NBPF9: variants seen among roughly 807,000 people sequenced by gnomAD.
NBPF9 encodes the protein NBPF member 9.
Under a neutral mutation model 97.8 loss-of-function variants are expected in NBPF9, and 91 were observed. That is an observed-to-expected ratio of 0.93 (90% CI 0.79 to 1.11). The LOEUF (loss-of-function observed/expected upper bound fraction) is 1.11. Among genes scored for constraint, NBPF9 ranks in the 50% least tolerant of loss-of-function variants. The pLI is 0.00. For synonymous variants in NBPF9, 334 were observed against 359.5 expected, an observed-to-expected ratio of 0.93 and a Z score of 0.80; for missense variants, 992 against 939.5, an observed-to-expected ratio of 1.06 and a Z score of -0.73.
Position 149,059,977 on chromosome 1 carries a change from C to T in NBPF9, c.2477-169G>A, listed in dbSNP as rs1296614392. 7 of 412,580 alleles carry T rather than the reference C, an allele frequency of 1.7e-5. 1 individual carries two copies. The highest frequency in any genetic ancestry group is 1.1e-4 in the African/African-American group (4 of 36,876). The allele number at this position is 412,580 out of a possible 1,614,324, so 25.6% of individuals were successfully genotyped here. The stretch of plus-strand genomic sequence containing the variant: ...AAGGCTGGTTATGATAGAAATTCCT[C>T]AGTTTTTCTCCCAGAAACTGTGGGT... On this transcript the variant is annotated intron_variant, in intron 24 of 29. Transcript: ENST00000584027.
At chr1:149,069,748 C>G in intron 16 of NBPF9, 103 bp from the exon 17 acceptor site, 1 of 791,344 alleles carries the variant, frequency 1.3e-6, no homozygotes, top group East Asian at 2.5e-5. Flanking sequence ...ATTCTCAGTG[C>G]AAGAATAAGG....
intron 5 of NBPF9, among the ~76,000 whole-genome samples, chr1:149,087,122 A>C (rs1559540988): frequency 1.3e-5 from 2 of 151,870 alleles, no homozygotes; most frequent in Admixed American, 1.3e-4. Context: ...CCTGATGACT[A>C]AACAGTGGAG....
At chr1:149,055,583 C>G (rs711764) in exon 30 of NBPF9, 529,000 of 1,219,462 alleles carry the variant, frequency 0.43, 160,843 homozygotes, top group Middle Eastern at 0.53. Flanking sequence ...TGGAACTGTA[C>G]TTTCATTCAA....
chr1:149,074,698 C>T (rs2079698736), intron 12 of NBPF9, among the ~76,000 whole-genome samples: 2 of 151,372 alleles, frequency 1.3e-5, no homozygotes, highest in South Asian at 4.2e-4. Context: ...TCCACACATT[C>T]TCGGGTGCGA....
At chr1:149,079,861 C>G (rs1218956118) in intron 8 of NBPF9, among the ~76,000 whole-genome samples, 192 bp downstream of exon 8, 20 of 152,268 alleles carry the variant, frequency 1.3e-4, no homozygotes, top group Non-Finnish European at 2.5e-4. Context: ...AAACAAGGCT[C>G]TAAGAAACAA....
intron 9 of NBPF9, 96 bp from the exon 10 acceptor site, chr1:149,078,051 G>A (rs1322299362): frequency 9.8e-7 from 1 of 1,020,146 alleles, no homozygotes. Flanking sequence ...TCTATGTATG[G>A]TTCAGCATTG....
chr1:149,076,648 G>A (rs1324132978), intron 11 of NBPF9, among the ~76,000 whole-genome samples: 10 of 148,774 alleles, frequency 6.7e-5, no homozygotes, highest in Admixed American at 2.0e-4. Context: ...GACTACAGGC[G>A]CCCACCACCA....
At chr1:149,088,813 A>C (rs1174091466) in intron 5 of NBPF9, among the ~76,000 whole-genome samples, 3 of 151,986 alleles carry the variant, frequency 2.0e-5, no homozygotes, top group Non-Finnish European at 4.4e-5. Flanking sequence ...TTGTGGCAGC[A>C]TTGAAGGCTT....
At chr1:149,069,327 C>A (rs2152887925) in intron 17 of NBPF9, among the ~76,000 whole-genome samples, 1 of 151,430 alleles carries the variant, frequency 6.6e-6, no homozygotes, top group South Asian at 2.1e-4. Context: ...ATCAATGAAT[C>A]CAGGGCTGGT....
chr1:149,074,828 ATTT>A (rs1308719173), intron 12 of NBPF9, among the ~76,000 whole-genome samples: 19 of 145,520 alleles, frequency 1.3e-4, no homozygotes, highest in African/African-American at 4.6e-4. Flanking sequence ...TATTATTATT[ATTT>A]TTACCAGTCT....
intron 12 of NBPF9, 45 bp from the exon 13 acceptor site, chr1:149,073,915 G>A (rs1553653657): frequency 7.6e-7 from 1 of 1,313,854 alleles, no homozygotes; most frequent in Non-Finnish European, 1.1e-6. Flanking sequence ...GGCTGGACAT[G>A]CTGCTGTGGT....
At position 149,055,784 on chromosome 1, in the gene NBPF9, T is replaced by C. The variant is rs1553648676; in HGVS notation, c.3208A>G (p.Arg1070Gly). The C allele has an allele frequency of 5.0e-6, 8 of 1,611,412 alleles. No individual in the cohort carries two copies. In the Admixed American group the frequency reaches 8.3e-5, roughly 17 times the overall value. ...TCCTCAAATGAGTAAAACACACTTCTGTAGTGCTGGAATGAGTCAGGTAGT... is the reference window on the plus strand; with the variant it reads ...TCCTCAAATGAGTAAAACACACTTCCGTAGTGCTGGAATGAGTCAGGTAGT... Residue 1070 changes from arginine to glycine, a missense_variant, in exon 30 of 30, where the codon AGA (arginine) becomes GGA (glycine). Physicochemically the swap from Arg to Gly is moderately radical, Grantham distance 125. Around this residue, in one of 11 missense-constraint regions of NBPF9, gnomAD observed 397 missense variants for 213.6 expected, o/e 1.86. Coordinates refer to ENST00000584027, the Ensembl canonical transcript of NBPF9.
Position 149,074,003 on chromosome 1 carries a change from C to G in NBPF9, c.989-133G>C. On this transcript the variant is annotated intron_variant, in intron 12 of 29. Coordinates refer to ENST00000584027, the Ensembl canonical transcript of NBPF9. ...GTACCAGGGTCTAGACAGGGATTTC[C>G]ACATCTTTACTCTTCAGTCTCCTGA... is the stretch of plus-strand genomic sequence containing the variant. 1.0e-5 allele frequency: 6 copies of G among 596,110 alleles called. No individual in the cohort carries two copies. In the East Asian group the frequency reaches 1.7e-4, roughly 17 times the overall value. 36.9% of individuals were successfully genotyped at this position (596,110 alleles called of 1,614,324 possible).
intron 18 of NBPF9, chr1:149,064,846 T>C (rs1488679416): frequency 1.9e-6 from 1 of 539,198 alleles, no homozygotes; most frequent in Non-Finnish European, 3.3e-6. Flanking sequence ...CAGAATTTGA[T>C]AGTTTATGAG....
rs2080550088 is a variant in NBPF9, at chr1:149,082,377, G to T, written c.-141C>A. The T allele has an allele frequency of 1.8e-5, 26 of 1,458,776 alleles. No homozygotes were observed. In the South Asian group the frequency reaches 2.9e-4, roughly 16 times the overall value. The allele number at this position is 1,458,776 out of a possible 1,614,324, so 90.4% of individuals were successfully genotyped here. ...CTCAGAGCTGAAAGCACTGCCAGTAGCTCAGACTCTGATAAGAGTGAGGTA... is the reference window on the plus strand; with the variant it reads ...CTCAGAGCTGAAAGCACTGCCAGTATCTCAGACTCTGATAAGAGTGAGGTA... On this transcript the variant is annotated 5_prime_UTR_variant, in exon 6 of 30. Transcript: ENST00000584027.
chr1:149,072,314 A>T (rs587710937), intron 14 of NBPF9, among the ~76,000 whole-genome samples: 1 of 152,150 alleles, frequency 6.6e-6, no homozygotes, highest in Non-Finnish European at 1.5e-5. Context: ...TGCCACGGAG[A>T]GAGACAAACT....
rs2078448127 is a variant in NBPF9, at chr1:149,059,328, T to C, written c.2586-231A>G. ...CAGAGACAGAGAGAAAGTGACCTAG[T>C]GAATTGGCCGGGTGACACACTGATG... is the stretch of plus-strand genomic sequence containing the variant. On this transcript the variant is annotated intron_variant, in intron 25 of 29. Coordinates refer to ENST00000584027, the Ensembl canonical transcript of NBPF9. The C allele has an allele frequency of 2.1e-5, 10 of 471,398 alleles. 3 individuals are homozygous for C. In the Admixed American group the frequency reaches 2.6e-4, roughly 12 times the overall value. The allele number at this position is 471,398 out of a possible 1,614,324, so 29.2% of individuals were successfully genotyped here. A position where few individuals can be genotyped will look rare whatever the true frequency, so the allele number is the denominator to read the frequency against.
At chr1:149,085,253 TAA>T (rs879059208) in intron 5 of NBPF9, among the ~76,000 whole-genome samples, 1 of 151,286 alleles carries the variant, frequency 6.6e-6, no homozygotes, top group African/African-American at 2.4e-5. Context: ...AAGATTCTAC[TAA>T]AAAAAAATCA....
intron 5 of NBPF9, among the ~76,000 whole-genome samples, chr1:149,087,398 A>G (rs1455822412): frequency 2.0e-5 from 3 of 150,996 alleles, no homozygotes; most frequent in Non-Finnish European, 4.4e-5. Context: ...CTAAGAATCA[A>G]TTAGACATAC....
Sources: allele counts gnomAD v4.1 joint callset (sites outside exome capture counted in the v4.1 genomes callset), GRCh38; gene constraint gnomAD v4.1.1; regional missense constraint gnomAD v4.1.1; transcripts MANE v1.5; gene names NCBI Gene and HGNC (gene_info 2026-07-23, HGNC 2026-07-21).